The following NALCN variants were observed in gnomAD, a reference collection of about 807,000 sequenced individuals.
NALCN encodes sodium leak channel, non-selective.
Under a neutral mutation model 225.3 loss-of-function variants are expected in NALCN, and 111 were observed. The ratio of observed to expected loss-of-function variants is 0.49; its 90% CI spans 0.42 to 0.58. The LOEUF (loss-of-function observed/expected upper bound fraction) is 0.58. Among genes scored for constraint, NALCN ranks in the 20% least tolerant of loss-of-function variants. NALCN has a pLI of 0.00. For missense variants in NALCN, 1,378 were observed against 2,202.4 expected, an observed-to-expected ratio of 0.63 and a Z score of 7.49; for synonymous variants, 764 against 769.0, an observed-to-expected ratio of 0.99 and a Z score of 0.11.
chr13:101,082,561 C>T (rs528890421), intron 33 of NALCN, among the ~76,000 whole-genome samples: 69 of 152,286 alleles, frequency 4.5e-4, no homozygotes, highest in African/African-American at 1.6e-3. Context: ...TCAGAACTCG[C>T]ATAACTAGAC....
intron 32 of NALCN, 28 bp from the exon 33 acceptor site, chr13:101,082,911 T>C: frequency 1.9e-6 from 3 of 1,613,438 alleles, no homozygotes; most frequent in Non-Finnish European, 2.5e-6. Flanking sequence ...CACGAGTCGT[T>C]GCCCACGTCC....
At chr13:101,240,861 A>T (rs2039454) in intron 11 of NALCN, among the ~76,000 whole-genome samples, 2,441 of 152,276 alleles carry the variant, frequency 0.016, 70 homozygotes, top group African/African-American at 0.056. Context: ...TTTTGGAAAA[A>T]AACTCTAGAT....
At chr13:101,247,433 C>T (rs535165602) in intron 11 of NALCN, among the ~76,000 whole-genome samples, 2 of 151,994 alleles carry the variant, frequency 1.3e-5, no homozygotes, top group South Asian at 4.2e-4. Context: ...TGCAATATCC[C>T]TAAGAAAGTA....
chr13:101,164,758 CATTTATTATAAAAGTAAGA>C (rs1469585116), intron 15 of NALCN, among the ~76,000 whole-genome samples: 1 of 152,006 alleles, frequency 6.6e-6, no homozygotes, highest in Non-Finnish European at 1.5e-5. Context: ...AAAAGTCTAA[CATTTATTATAAAAGTAAGA>C]ATTTATTATA....
At chr13:101,106,123 A>G (rs899779934) in intron 22 of NALCN, among the ~76,000 whole-genome samples, 32 of 152,012 alleles carry the variant, frequency 2.1e-4, no homozygotes, top group Non-Finnish European at 1.5e-5. Context: ...TGTCTCCTTG[A>G]CTTGTGGAGA....
intron 7 of NALCN, among the ~76,000 whole-genome samples, chr13:101,296,537 A>T (rs2043762499): frequency 6.6e-6 from 1 of 152,228 alleles, no homozygotes; most frequent in South Asian, 2.1e-4. Flanking sequence ...AAGAACATTG[A>T]TACATTTAAA....
intron 4 of NALCN, among the ~76,000 whole-genome samples, chr13:101,377,571 T>C (rs1026781722): frequency 1.3e-5 from 2 of 152,142 alleles, no homozygotes; most frequent in Non-Finnish European, 2.9e-5. Flanking sequence ...TAAAAAAATA[T>C]ATGAGTGATG....
At chr13:101,263,424 T>G (rs1401065617) in intron 10 of NALCN, among the ~76,000 whole-genome samples, 1 of 152,246 alleles carries the variant, frequency 6.6e-6, no homozygotes, top group Non-Finnish European at 1.5e-5. Context: ...TATACTCCTT[T>G]CAGCATAATG....
In NALCN at chr13:101,095,871, A is replaced by C. The variant is rs575511230; in HGVS notation, c.3163-191T>G. On this transcript the variant is annotated intron_variant, in intron 27 of 43. Coordinates refer to ENST00000251127, the MANE Select transcript of NALCN (RefSeq NM_052867.4). ...CAGGCAGTTAAAAATCGATGCTGAG[A>C]ATATTACTTAAATGAGCAAAGGACC... Among the ~76,000 whole-genome samples, 7 of 152,298 alleles carry C rather than the reference A, an allele frequency of 4.6e-5. No homozygotes were observed. The South Asian group carries it at 1.5e-3, about 32-fold the overall frequency.
rs960017299 is a variant in NALCN at position 101,059,746 on chromosome 13, AT to A, written c.4905+71del. On this transcript the variant is annotated intron_variant, in intron 42 of 43. Coordinates refer to ENST00000251127, the MANE Select transcript of NALCN (RefSeq NM_052867.4). ...TGTTTGAATGATCTGACCAGCACCCATTTTATTTATTTTTATTAAAAGAAAG... is the reference window on the plus strand; with the variant it reads ...TGTTTGAATGATCTGACCAGCACCCATTTATTTATTTTTATTAAAAGAAAG... The A allele has an allele frequency of 5.0e-6, 7 of 1,413,518 alleles. No individual in the cohort carries two copies. The African/African-American group carries it at 1.0e-4, about 20-fold the overall frequency. The allele number at this position is 1,413,518 out of a possible 1,614,324, so 87.6% of individuals were successfully genotyped here.
intron 7 of NALCN, among the ~76,000 whole-genome samples, chr13:101,308,053 T>G (rs1435714896): frequency 2.0e-5 from 3 of 152,210 alleles, no homozygotes; most frequent in African/African-American, 7.2e-5. Context: ...TGTAATCATT[T>G]GAGAAATATA....
chr13:101,066,528 G>A (rs914067625), intron 39 of NALCN, among the ~76,000 whole-genome samples: 2 of 151,966 alleles, frequency 1.3e-5, no homozygotes, highest in African/African-American at 2.4e-5. Flanking sequence ...GAACACTGGC[G>A]ACCATGACTG....
intron 1 of NALCN, among the ~76,000 whole-genome samples, chr13:101,402,358 C>A (rs2047499607): frequency 6.6e-6 from 1 of 152,222 alleles, no homozygotes; most frequent in African/African-American, 2.4e-5. Flanking sequence ...ACTCAGGAAA[C>A]TCATTCATCC....
intron 6 of NALCN, among the ~76,000 whole-genome samples, chr13:101,364,113 T>C (rs1034703644): frequency 2.6e-5 from 4 of 152,098 alleles, no homozygotes; most frequent in African/African-American, 7.2e-5. Flanking sequence ...GGAACACTCA[T>C]ACACTGTTGG....
intron 13 of NALCN, among the ~76,000 whole-genome samples, chr13:101,201,177 G>C (rs1287147121): frequency 6.6e-6 from 1 of 152,060 alleles, no homozygotes; most frequent in Non-Finnish European, 1.5e-5. Context: ...AAAAGAAATA[G>C]GTTTTTGAGA....
chr13:101,172,997 T>C (rs180922959), intron 15 of NALCN, among the ~76,000 whole-genome samples: 4 of 152,358 alleles, frequency 2.6e-5, no homozygotes, highest in Admixed American at 2.0e-4. Flanking sequence ...ACTAAAATGC[T>C]GCTATGCTGC....
chr13:101,289,179 C>A (rs112763241), intron 9 of NALCN, among the ~76,000 whole-genome samples: 1 of 152,160 alleles, frequency 6.6e-6, no homozygotes, highest in Non-Finnish European at 1.5e-5. Flanking sequence ...TAGTTACCCA[C>A]GTCTAAGAAT....
At chr13:101,407,929 A>C (rs9518385) in intron 1 of NALCN, among the ~76,000 whole-genome samples, 61,543 of 152,088 alleles carry the variant, frequency 0.4, 12,789 homozygotes, top group East Asian at 0.58. Context: ...CTGAGGGTTT[A>C]TTAAGTGTGA....
intron 17 of NALCN, among the ~76,000 whole-genome samples, chr13:101,132,017 T>A (rs2036544075): frequency 6.6e-6 from 1 of 152,142 alleles, no homozygotes; most frequent in Non-Finnish European, 1.5e-5. Context: ...ACTGCTTTTC[T>A]CTTTATTATT....
Sources: gnomAD v4.1 joint callset for allele counts (sites outside exome capture counted in the v4.1 genomes callset) on GRCh38, gnomAD v4.1.1 for gene constraint, MANE v1.5 for transcripts, NCBI Gene and HGNC (gene_info 2026-07-23, HGNC 2026-07-21) for gene names.